CDK5RAP2: variants seen among roughly 807,000 people sequenced by gnomAD.
The protein encoded by CDK5RAP2 is CDK5 regulatory subunit-associated protein 2.
CDK5RAP2 carries 147 observed loss-of-function variants against 232.9 expected under a neutral mutation model. The ratio of observed to expected loss-of-function variants is 0.63; its 90% CI spans 0.55 to 0.72. The LOEUF (loss-of-function observed/expected upper bound fraction) is 0.72. Ranked by LOEUF, CDK5RAP2 falls within the 30% of genes least tolerant of loss-of-function variation. The probability of loss-of-function intolerance (pLI) is 0.00; values close to 1 mark genes in which losing one functional copy is unlikely to be tolerated. For missense variants in CDK5RAP2, 2,195 were observed against 2,231.5 expected, an observed-to-expected ratio of 0.98 and a Z score of 0.33; for synonymous variants, 833 against 833.7, an observed-to-expected ratio of 1.00 and a Z score of 0.01.
In CDK5RAP2 at chr9:120,403,209, A is replaced by G. The variant is rs1348020852; in HGVS notation, c.5042-138T>C. 3 of 792,782 alleles carry G rather than the reference A, an allele frequency of 3.8e-6. No homozygotes were observed. Among genetic ancestry groups the G allele is most frequent in the Non-Finnish European group, 6.3e-6 (3 of 479,732 alleles). 49.1% of individuals were successfully genotyped at this position (792,782 alleles called of 1,614,324 possible). A position where few individuals can be genotyped will look rare whatever the true frequency, so the allele number is the denominator to read the frequency against. ...GCCACCCAACACAAGCCCAGAGGGG[A>G]AAAGAGGCACGCTCCTGGACCTCTG... On this transcript the variant is annotated intron_variant, in intron 33 of 37. Transcript: ENST00000349780. This position sits in a 1 kb window ranked among gnomAD's most constrained non-coding sequence, Gnocchi z 4.2.
Position 120,403,530 on chromosome 9 carries a change from G to A in CDK5RAP2, c.5042-459C>T. On this transcript the variant is annotated intron_variant, in intron 33 of 37. Coordinates refer to ENST00000349780, the MANE Select transcript of CDK5RAP2 (RefSeq NM_018249.6). This position sits in a 1 kb window ranked among gnomAD's most constrained non-coding sequence, Gnocchi z 4.2. ...TTGAACTGGATTGAGCAAGTAGCAAGAATTACACGAATGATGAGTCATTCT... is the reference window on the plus strand; with the variant it reads ...TTGAACTGGATTGAGCAAGTAGCAAAAATTACACGAATGATGAGTCATTCT... 1 of 276,266 alleles carries A rather than the reference G, an allele frequency of 3.6e-6. No individual in the cohort carries two copies. Among genetic ancestry groups the A allele is most frequent in the Non-Finnish European group, 7.0e-6 (1 of 142,924 alleles). The allele number at this position is 276,266 out of a possible 1,614,324, so 17.1% of individuals were successfully genotyped here.
In CDK5RAP2 at chr9:120,389,725, G is replaced by T; in HGVS notation, c.5625+16C>A. ...ACCTTCCACTGGCCTGCAGTGAAAAGACTCAAAGGGCATACCTCCAGGTTT... is the reference window on the plus strand; with the variant it reads ...ACCTTCCACTGGCCTGCAGTGAAAATACTCAAAGGGCATACCTCCAGGTTT... On this transcript the variant is annotated intron_variant, in intron 37 of 37. Transcript: ENST00000349780. 6.2e-7 allele frequency: 1 copy of T among 1,613,478 alleles called. No individual in the cohort carries two copies. Among genetic ancestry groups the T allele is most frequent in the Non-Finnish European group, 8.5e-7 (1 of 1,179,400 alleles).
At chr9:120,438,718 A>G (rs1180139468) in intron 24 of CDK5RAP2, among the ~76,000 whole-genome samples, 2 of 152,202 alleles carry the variant, frequency 1.3e-5, no homozygotes, top group Non-Finnish European at 2.9e-5. Context: ...AATAATTACA[A>G]GCTTCCTTCA....
intron 30 of CDK5RAP2, 102 bp from the exon 31 acceptor site, chr9:120,408,570 G>T: frequency 1.6e-6 from 2 of 1,280,392 alleles, no homozygotes; most frequent in Non-Finnish European, 2.2e-6. Flanking sequence ...AGTCACAAGA[G>T]TGTGGACCAA....
intron 1 of CDK5RAP2, among the ~76,000 whole-genome samples, chr9:120,578,119 T>C (rs1291737826): frequency 1.3e-5 from 2 of 151,848 alleles, no homozygotes; most frequent in South Asian, 2.1e-4. Context: ...ATACAAAAAT[T>C]AGCCACGCAC....
rs562613771 is a variant in CDK5RAP2, at chr9:120,530,678, T to C, written c.663-538A>G. On this transcript the variant is annotated intron_variant, in intron 7 of 37. Coordinates refer to ENST00000349780, the MANE Select transcript of CDK5RAP2 (RefSeq NM_018249.6). ...TACACCATGGAATACTATGCAGCCA[T>C]AAAAAAGGATGAATTCATGTCCTTT... Among the ~76,000 whole-genome samples, 42 of 151,736 alleles carry C rather than the reference T, an allele frequency of 2.8e-4. 1 individual carries two copies. In the East Asian group the frequency reaches 7.8e-3, roughly 28 times the overall value.
chr9:120,574,258 T>C (rs879519932), intron 1 of CDK5RAP2, among the ~76,000 whole-genome samples: 2 of 152,218 alleles, frequency 1.3e-5, no homozygotes, highest in Non-Finnish European at 2.9e-5. Context: ...GCTATGAATC[T>C]GTCATCTGCA....
chr9:120,405,018 C>T (rs554795371), intron 32 of CDK5RAP2, among the ~76,000 whole-genome samples: 1 of 152,318 alleles, frequency 6.6e-6, no homozygotes, highest in East Asian at 1.9e-4. Flanking sequence ...GTCAGTGGCA[C>T]AGAGCAAGGA....
chr9:120,487,199 T>C, intron 14 of CDK5RAP2, 95 bp downstream of exon 14: 1 of 1,377,364 alleles, frequency 7.3e-7, no homozygotes, highest in South Asian at 1.2e-5. Context: ...CAAGAAGGCA[T>C]TTGAGGATCT....
At chr9:120,408,134 G>T in intron 31 of CDK5RAP2, 1 of 608,678 alleles carries the variant, frequency 1.6e-6, no homozygotes, top group East Asian at 3.1e-5. Context: ...CCGGACCTCG[G>T]CTGGCCTGGG....
intron 15 of CDK5RAP2, among the ~76,000 whole-genome samples, chr9:120,474,608 C>T (rs144121284): frequency 6.6e-6 from 1 of 152,328 alleles, no homozygotes; most frequent in African/African-American, 2.4e-5. Context: ...GGAGCCAAGA[C>T]GACCTAAGCA....
intron 1 of CDK5RAP2, among the ~76,000 whole-genome samples, chr9:120,578,130 G>A (rs1349101164): frequency 6.6e-6 from 1 of 152,074 alleles, no homozygotes; most frequent in Non-Finnish European, 1.5e-5. Flanking sequence ...AGCCACGCAC[G>A]GTGGTGCACT....
intron 35 of CDK5RAP2, 127 bp from the exon 36 acceptor site, chr9:120,394,765 G>A: frequency 1.2e-6 from 1 of 850,056 alleles, no homozygotes; most frequent in South Asian, 1.5e-5. Flanking sequence ...ATGGAAACTA[G>A]AAGCCTTTTC....
intron 4 of CDK5RAP2, among the ~76,000 whole-genome samples, chr9:120,550,352 T>C (rs773187648): frequency 7.2e-5 from 11 of 152,198 alleles, no homozygotes; most frequent in Non-Finnish European, 1.3e-4. Context: ...TTCATCTGTC[T>C]TCTCATTTTA....
At chr9:120,420,395 G>A (rs1043466689) in intron 26 of CDK5RAP2, among the ~76,000 whole-genome samples, 1 of 152,140 alleles carries the variant, frequency 6.6e-6, no homozygotes, top group African/African-American at 2.4e-5. Context: ...TTGGTCAGAG[G>A]CACAGTTTAG....
chr9:120,400,955 G>A, intron 34 of CDK5RAP2, 70 bp from the exon 35 acceptor site: 1 of 1,562,838 alleles, frequency 6.4e-7, no homozygotes, highest in Non-Finnish European at 8.8e-7. Flanking sequence ...GCCTTAACAT[G>A]CAGTATAAAT....
At chr9:120,407,403 CA>C in intron 31 of CDK5RAP2, 155 bp from the exon 32 acceptor site, 1 of 672,910 alleles carries the variant, frequency 1.5e-6, no homozygotes, top group Non-Finnish European at 2.7e-6. Flanking sequence ...ACTTTAGAAA[CA>C]AAAATATTGG....
At chr9:120,440,049 C>G in intron 23 of CDK5RAP2, 77 bp from the exon 24 acceptor site, 1 of 1,272,874 alleles carries the variant, frequency 7.9e-7, no homozygotes. Context: ...CAGCCCTAGC[C>G]AAGCCAAGAC....
In CDK5RAP2 at chr9:120,453,541, A is replaced by T; in HGVS notation, c.2708T>A (p.Leu903His). 6.2e-7 allele frequency: 1 copy of T among 1,614,164 alleles called. No homozygotes were observed. Among genetic ancestry groups the T allele is most frequent in the Non-Finnish European group, 8.5e-7 (1 of 1,180,036 alleles). The change falls in exon 21 of 38, where the codon CTC (leucine) becomes CAC (histidine). Residue 903 changes from leucine (L) to histidine (H), a missense_variant. Transcript: ENST00000349780. ...GTTCTCTGGCCGATGCTCTGCGCTG[A>T]GTGCAGTGTTGATCGGTTTCTCTTC... ...AWEEKPINTALSAEHRPENLH... is the reference protein window; with the variant it reads ...AWEEKPINTAHSAEHRPENLH...
Sources: gnomAD v4.1 joint callset for allele counts (sites outside exome capture counted in the v4.1 genomes callset) on GRCh38, gnomAD v4.1.1 for gene constraint, Gnocchi (gnomAD v3.1) non-coding constraint, MANE v1.5 for transcripts, NCBI Gene and HGNC (gene_info 2026-07-23, HGNC 2026-07-21) for gene names.